SORCS3: variants seen among roughly 807,000 people sequenced by gnomAD.
SORCS3 encodes sortilin related VPS10 domain containing receptor 3.
SORCS3 carries 57 observed loss-of-function variants against 146.3 expected under a neutral mutation model. That is an observed-to-expected ratio of 0.39 (90% CI 0.31 to 0.49). The LOEUF (loss-of-function observed/expected upper bound fraction) is 0.49, where lower values mean the gene tolerates loss of function less well. Among genes scored for constraint, SORCS3 ranks in the 20% least tolerant of loss-of-function variants. The pLI is 0.92. For missense variants in SORCS3, 1,341 were observed against 1,575.5 expected, an observed-to-expected ratio of 0.85 and a Z score of 2.52; for synonymous variants, 653 against 618.5, an observed-to-expected ratio of 1.06 and a Z score of -0.83.
intron 8 of SORCS3, among the ~76,000 whole-genome samples, chr10:105,146,916 A>G (rs897123611): frequency 5.9e-5 from 9 of 152,178 alleles, no homozygotes; most frequent in Non-Finnish European, 1.3e-4. Context: ...CACATTCAGC[A>G]TCATGCAGCT....
intron 1 of SORCS3, among the ~76,000 whole-genome samples, chr10:104,798,414 A>G (rs1589503257): frequency 6.6e-6 from 1 of 152,310 alleles, no homozygotes; most frequent in East Asian, 1.9e-4. Flanking sequence ...CATATTTCTC[A>G]AAGCCTCAAG....
chr10:105,150,986 A>G (rs994977747), intron 9 of SORCS3, among the ~76,000 whole-genome samples: 2 of 152,214 alleles, frequency 1.3e-5, no homozygotes, highest in Non-Finnish European at 2.9e-5. Context: ...CATTCAATTC[A>G]GCTAAATTAG....
intron 1 of SORCS3, among the ~76,000 whole-genome samples, chr10:104,730,605 A>G (rs945624837): frequency 1.3e-5 from 2 of 152,166 alleles, no homozygotes; most frequent in African/African-American, 4.8e-5. Context: ...CAACTGCTAT[A>G]TTAGTCTTTT....
At chr10:105,053,005 C>T (rs570330332) in intron 5 of SORCS3, among the ~76,000 whole-genome samples, 47 of 152,130 alleles carry the variant, frequency 3.1e-4, no homozygotes, top group African/African-American at 1.0e-3. Context: ...TGGAAGTGTG[C>T]GATCAGGGTG....
At chr10:104,642,100 C>T (rs2015428365) in intron 1 of SORCS3, 146 bp downstream of exon 1, 3 of 933,368 alleles carry the variant, frequency 3.2e-6, no homozygotes, top group African/African-American at 3.4e-5. Flanking sequence ...TGTCCGATTC[C>T]CCCCACGCCC....
At chr10:104,780,000 T>C (rs1195247161) in intron 1 of SORCS3, among the ~76,000 whole-genome samples, 1 of 152,078 alleles carries the variant, frequency 6.6e-6, no homozygotes, top group African/African-American at 2.4e-5. Flanking sequence ...GCCATGCACA[T>C]TGCTATTTTG....
intron 6 of SORCS3, among the ~76,000 whole-genome samples, chr10:105,094,414 A>G (rs1006397629): frequency 7.9e-5 from 12 of 152,258 alleles, no homozygotes; most frequent in Non-Finnish European, 1.2e-4. Flanking sequence ...GCTAGGAGGC[A>G]TAGTTCCTGA....
chr10:105,189,684 G>T (rs1242505838), intron 14 of SORCS3, among the ~76,000 whole-genome samples: 4 of 152,174 alleles, frequency 2.6e-5, no homozygotes, highest in Non-Finnish European at 4.4e-5. Flanking sequence ...CAGCTTGGAA[G>T]AAAGAGCTGG....
At chr10:104,903,198 T>G (rs1031715446) in intron 2 of SORCS3, among the ~76,000 whole-genome samples, 1 of 152,298 alleles carries the variant, frequency 6.6e-6, no homozygotes. Flanking sequence ...AGGGTCATAG[T>G]GAGGATTCAG....
intron 2 of SORCS3, among the ~76,000 whole-genome samples, chr10:104,873,186 G>C (rs1247393495): frequency 2.6e-5 from 4 of 152,222 alleles, no homozygotes; most frequent in African/African-American, 4.8e-5. Flanking sequence ...AACATAGCAA[G>C]GGTTTCTGAT....
chr10:105,100,607 G>A (rs1564753834), intron 6 of SORCS3, among the ~76,000 whole-genome samples: 2 of 152,130 alleles, frequency 1.3e-5, no homozygotes, highest in African/African-American at 4.8e-5. Context: ...TCCTTGATTT[G>A]TCCAGCCCAT....
intron 1 of SORCS3, among the ~76,000 whole-genome samples, chr10:104,833,811 C>A (rs1044955782): frequency 1.3e-5 from 2 of 152,174 alleles, no homozygotes; most frequent in Non-Finnish European, 2.9e-5. Context: ...CTTCTCTGAA[C>A]CCCAGACTCA....
intron 4 of SORCS3, among the ~76,000 whole-genome samples, chr10:105,027,600 CAG>C: frequency 6.6e-6 from 1 of 152,076 alleles, no homozygotes; most frequent in Admixed American, 6.6e-5. Flanking sequence ...CACAGACATG[CAG>C]AGAGTGGCAA....
chr10:104,785,997 T>A (rs1316430130), intron 1 of SORCS3, among the ~76,000 whole-genome samples: 1 of 152,202 alleles, frequency 6.6e-6, no homozygotes, highest in Non-Finnish European at 1.5e-5. Context: ...GAGGCTGTAA[T>A]TGCTTTTGTG....
rs142652556 is a variant in SORCS3 at position 105,164,356 on chromosome 10, G to T, written c.1786G>T (p.Asp596Tyr). The T allele has an allele frequency of 6.2e-7, 1 of 1,613,222 alleles. No individual in the cohort carries two copies. The highest frequency in any genetic ancestry group is 1.1e-5 in the South Asian group (1 of 91,058). The change falls in exon 12 of 27, where the codon GAT becomes TAT. Residue 596 changes from aspartate to tyrosine, a missense_variant. Physicochemically the swap from Asp to Tyr is radical, Grantham distance 160. Transcript: ENST00000369701. Reference protein sequence around the residue: ...YTDIGVFISSDGGNTWRQIFD... With the variant: ...YTDIGVFISSYGGNTWRQIFD... The stretch of plus-strand genomic sequence containing the variant: ...TGATATTGGTGTGTTCATCTCCTCC[G>T]ATGGGGGCAACACATGGAGACAGGT...
At chr10:105,013,102 A>G (rs2055144514) in intron 4 of SORCS3, among the ~76,000 whole-genome samples, 1 of 152,174 alleles carries the variant, frequency 6.6e-6, no homozygotes, top group African/African-American at 2.4e-5. Context: ...TTTAAGGAGA[A>G]AAACTACATC....
intron 1 of SORCS3, among the ~76,000 whole-genome samples, chr10:104,681,597 G>A (rs186886063): frequency 6.6e-6 from 1 of 152,290 alleles, no homozygotes; most frequent in East Asian, 1.9e-4. Context: ...CCCTCTCTGA[G>A]CCTAGGTTCT....
At chr10:105,139,116 G>T (rs1216188584) in intron 7 of SORCS3, among the ~76,000 whole-genome samples, 1 of 152,216 alleles carries the variant, frequency 6.6e-6, no homozygotes, top group African/African-American at 2.4e-5. Flanking sequence ...TACTAGGTAT[G>T]TGCCATGTGC....
chr10:104,948,750 G>T (rs2019398640), intron 3 of SORCS3, among the ~76,000 whole-genome samples: 1 of 152,128 alleles, frequency 6.6e-6, no homozygotes, highest in Non-Finnish European at 1.5e-5. Context: ...TTTCTCAGGG[G>T]TTATCAAACA....
Sources: gnomAD v4.1 joint callset for allele counts (sites outside exome capture counted in the v4.1 genomes callset) on GRCh38, gnomAD v4.1.1 for gene constraint, MANE v1.5 for transcripts, NCBI Gene and HGNC (gene_info 2026-07-23, HGNC 2026-07-21) for gene names.